Variants in KCNG3 observed in about 807,000 individuals in gnomAD.
KCNG3 encodes the protein voltage-gated potassium channel regulatory subunit KCNG3.
KCNG3 carries 15 observed loss-of-function variants against 29.0 expected under a neutral mutation model. The observed-to-expected ratio is 0.52, with a 90% confidence interval of 0.35 to 0.80. The LOEUF is 0.80. Ranked by LOEUF, KCNG3 falls within the 30% of genes least tolerant of loss-of-function variation. The probability of loss-of-function intolerance (pLI) is 0.01; values close to 1 mark genes in which losing one functional copy is unlikely to be tolerated. For missense variants in KCNG3, 512 were observed against 605.7 expected (o/e 0.85, Z 1.62); for synonymous variants, 322 against 248.9 (o/e 1.29, Z -2.76).
chr2:42,416,464 C>G, the KCNG3 span, among the ~76,000 whole-genome samples: 1 of 152,006 alleles, frequency 6.6e-6, no homozygotes, highest in Non-Finnish European at 1.5e-5. Flanking sequence ...AAAACACAAC[C>G]TAAAGATCAT....
chr2:42,456,481 A>G (rs2103681915), intron 1 of KCNG3, among the ~76,000 whole-genome samples: 1 of 152,288 alleles, frequency 6.6e-6, no homozygotes, highest in Non-Finnish European at 1.5e-5. Flanking sequence ...CGCACCATAT[A>G]TTCCAGCCTA....
chr2:42,468,533 T>C (rs1300759680), intron 1 of KCNG3, among the ~76,000 whole-genome samples: 1 of 152,002 alleles, frequency 6.6e-6, no homozygotes, highest in Non-Finnish European at 1.5e-5. Context: ...TAGATATAAA[T>C]CTAACAAAAG....
the KCNG3 span, among the ~76,000 whole-genome samples, chr2:42,431,390 G>A: frequency 2.6e-5 from 4 of 151,738 alleles, no homozygotes; most frequent in South Asian, 2.1e-4. Flanking sequence ...TCATAACTCC[G>A]TTAGGTTTGA....
At chr2:42,475,445 C>A (rs1673400321) in intron 1 of KCNG3, among the ~76,000 whole-genome samples, 1 of 151,188 alleles carries the variant, frequency 6.6e-6, no homozygotes, top group Non-Finnish European at 1.5e-5. Flanking sequence ...TCTCGTGCCT[C>A]AGCCTCCCGG....
intron 1 of KCNG3, among the ~76,000 whole-genome samples, chr2:42,461,802 G>A (rs1305569066): frequency 2.6e-5 from 4 of 152,088 alleles, no homozygotes; most frequent in Admixed American, 6.6e-5. Flanking sequence ...ATTAGTAAAA[G>A]AATTATGAGA....
chr2:42,457,534 T>C (rs1385917177), intron 1 of KCNG3, among the ~76,000 whole-genome samples: 5 of 149,310 alleles, frequency 3.3e-5, no homozygotes, highest in African/African-American at 1.2e-4. Flanking sequence ...ACACAGATAA[T>C]AAATGGCAGG....
At chr2:42,433,422 A>G in the KCNG3 span, among the ~76,000 whole-genome samples, 1 of 152,110 alleles carries the variant, frequency 6.6e-6, no homozygotes, top group East Asian at 1.9e-4. Flanking sequence ...AAGATCTACC[A>G]TCAATGTGGG....
chr2:42,425,779 C>A, the KCNG3 span, among the ~76,000 whole-genome samples: 1 of 152,110 alleles, frequency 6.6e-6, no homozygotes, highest in African/African-American at 2.4e-5. Context: ...GATCAAATGA[C>A]TGATTCAAGG....
the KCNG3 span, among the ~76,000 whole-genome samples, chr2:42,416,186 G>A: frequency 6.6e-6 from 1 of 152,134 alleles, no homozygotes; most frequent in African/African-American, 2.4e-5. Flanking sequence ...CCTCCAGCCT[G>A]GAGACAAAGG....
At chr2:42,439,607 A>G (rs544285715), downstream of KCNG3, among the ~76,000 whole-genome samples, 31 of 149,616 alleles carry the variant, frequency 2.1e-4, no homozygotes, top group South Asian at 1.1e-3. Context: ...AAAGAAAAAG[A>G]AAAAGGAAAA....
At chr2:42,433,785 C>T in the KCNG3 span, among the ~76,000 whole-genome samples, 8 of 152,054 alleles carry the variant, frequency 5.3e-5, 1 homozygote, top group South Asian at 4.2e-4. Context: ...AAGGACCAGA[C>T]GCAACAAAAA....
At chr2:42,415,102 GT>G in the KCNG3 span, among the ~76,000 whole-genome samples, 5 of 152,154 alleles carry the variant, frequency 3.3e-5, no homozygotes, top group African/African-American at 7.2e-5. Context: ...TATCTTGGGA[GT>G]TTTTTCCTTG....
chr2:42,411,571 C>T, the KCNG3 span, among the ~76,000 whole-genome samples: 1 of 152,130 alleles, frequency 6.6e-6, no homozygotes, highest in Non-Finnish European at 1.5e-5. Flanking sequence ...CAACCTCCAC[C>T]TCTTGGGTTC....
chr2:42,403,061 G>T, the KCNG3 span, among the ~76,000 whole-genome samples: 1 of 152,116 alleles, frequency 6.6e-6, no homozygotes, highest in Non-Finnish European at 1.5e-5. Context: ...ATTTTTATAG[G>T]TTTTAAAATG....
chr2:42,491,461 G>C (rs960128066), intron 1 of KCNG3, among the ~76,000 whole-genome samples: 1 of 151,674 alleles, frequency 6.6e-6, no homozygotes, highest in Non-Finnish European at 1.5e-5. Flanking sequence ...ACAGTTACTG[G>C]AGAATCAAAA....
chr2:42,444,642 T>A lies in KCNG3; in HGVS notation c.666-63A>T. 1 of 1,421,012 alleles carries A rather than the reference T, an allele frequency of 7.0e-7. No individual in the cohort carries two copies. Among genetic ancestry groups the A allele is most frequent in the Non-Finnish European group, 9.6e-7 (1 of 1,036,558 alleles). The allele number at this position is 1,421,012 out of a possible 1,614,324, so 88.0% of individuals were successfully genotyped here. A position where few individuals can be genotyped will look rare whatever the true frequency, so the allele number is the denominator to read the frequency against. On this transcript the variant is annotated intron_variant, in intron 1 of 1. Coordinates refer to ENST00000306078, the MANE Select transcript of KCNG3 (RefSeq NM_133329.6). The surrounding 1 kb of genome is among the most constrained non-coding windows in gnomAD (Gnocchi z 5.8). ...TTTAAGCATTTTAATAGCTCTTAGA[T>A]TTCTTCAGATAGTACTACACTGACA...
chr2:42,474,758 A>T (rs1673381044), intron 1 of KCNG3, among the ~76,000 whole-genome samples: 1 of 152,170 alleles, frequency 6.6e-6, no homozygotes, highest in South Asian at 2.1e-4. Context: ...TATGCACTAC[A>T]TTGTAATTTT....
At chr2:42,414,320 AC>A in the KCNG3 span, among the ~76,000 whole-genome samples, 1 of 152,162 alleles carries the variant, frequency 6.6e-6, no homozygotes, top group African/African-American at 2.4e-5. Flanking sequence ...CACTCTACTG[AC>A]AGTTTAGCTG....
downstream of KCNG3, among the ~76,000 whole-genome samples, chr2:42,440,175 C>A (rs1033484983): frequency 4.6e-5 from 7 of 152,106 alleles, no homozygotes; most frequent in African/African-American, 1.7e-4. Context: ...AGAAGGTTTC[C>A]ACAACCCCTA....
Sources: allele counts gnomAD v4.1 joint callset (sites outside exome capture counted in the v4.1 genomes callset), GRCh38; gene constraint gnomAD v4.1.1; non-coding constraint Gnocchi (gnomAD v3.1); transcripts MANE v1.5; gene names NCBI Gene and HGNC (gene_info 2026-07-23, HGNC 2026-07-21).